The following CDC20B variants were observed in gnomAD, a reference collection of about 807,000 sequenced individuals.
The protein encoded by CDC20B is cell division cycle protein 20 homolog B.
CDC20B carries 58 observed loss-of-function variants against 64.1 expected under a neutral mutation model. That is an observed-to-expected ratio of 0.90 (90% CI 0.73 to 1.13). The LOEUF is 1.13. Ranked by LOEUF, CDC20B falls within the 50% of genes most tolerant of loss-of-function variation. The pLI, the probability that CDC20B is intolerant of heterozygous loss-of-function variation, is 0.00. For missense variants in CDC20B, 597 were observed against 633.0 expected, an observed-to-expected ratio of 0.94 and a Z score of 0.61; for synonymous variants, 243 against 230.6, an observed-to-expected ratio of 1.05 and a Z score of -0.49.
intron 5 of CDC20B, chr5:55,137,168 C>T (rs1393876801): frequency 8.2e-6 from 1 of 122,302 alleles, no homozygotes; most frequent in Admixed American, 9.0e-5. Context: ...CAGAGCGAGA[C>T]TCTGTCTCAA....
At chr5:55,152,015 T>C (rs1743680023) in intron 2 of CDC20B, among the ~76,000 whole-genome samples, 1 of 152,212 alleles carries the variant, frequency 6.6e-6, no homozygotes, top group Admixed American at 6.5e-5. Context: ...TGTATCCCTG[T>C]AAGAGGAAGG....
At chr5:55,164,119 T>G (rs536279973) in intron 2 of CDC20B, 1 of 1,606,934 alleles carries the variant, frequency 6.2e-7, no homozygotes, top group East Asian at 2.2e-5. Flanking sequence ...AGGGTCAAGT[T>G]GTGAAGTTCT....
chr5:55,171,123 G>A (rs1218146398), intron 2 of CDC20B, among the ~76,000 whole-genome samples: 1 of 152,162 alleles, frequency 6.6e-6, no homozygotes, highest in African/African-American at 2.4e-5. Context: ...AGACCAGCCT[G>A]GCCAACATGG....
intron 2 of CDC20B, among the ~76,000 whole-genome samples, chr5:55,158,368 T>G (rs1046443419): frequency 3.9e-5 from 6 of 152,242 alleles, no homozygotes; most frequent in Admixed American, 3.3e-4. Flanking sequence ...CAACACATCT[T>G]ACATACATTT....
intron 6 of CDC20B, among the ~76,000 whole-genome samples, chr5:55,132,130 A>G (rs192215292): frequency 6.6e-6 from 1 of 152,252 alleles, no homozygotes; most frequent in African/African-American, 2.4e-5. Flanking sequence ...TCTTTTTAAT[A>G]TAACAGTTTT....
At chr5:55,164,582 C>A (rs769518941) in intron 2 of CDC20B, 4 of 155,482 alleles carry the variant, frequency 2.6e-5, no homozygotes, top group Admixed American at 6.5e-5. Context: ...TCTTATTGTT[C>A]AACTTGACAT....
chr5:55,119,951 C>A, intron 10 of CDC20B, 33 bp from the exon 11 acceptor site: 1 of 1,481,744 alleles, frequency 6.7e-7, no homozygotes, highest in Non-Finnish European at 9.4e-7. Context: ...AGAATTCTTG[C>A]AATTTCTGAT....
chr5:55,115,408 A>G lies in CDC20B; in HGVS notation c.1460-1090T>C, dbSNP rs1431855871. Among the ~76,000 whole-genome samples, 3 of 152,370 alleles carry G rather than the reference A, an allele frequency of 2.0e-5. No homozygotes were observed. In the East Asian group the frequency reaches 5.8e-4, roughly 29 times the overall value. ...ACAAATGTTTCGGAGATGAGGCAAC[A>G]ACAGGCAGTACTTCTCAGATTTATC... On this transcript the variant is annotated intron_variant, in intron 11 of 11. Transcript: ENST00000381375.
In CDC20B at chr5:55,133,454, G is replaced by T; in HGVS notation, c.655C>A (p.Pro219Thr). ...SGDINDSILQPEVKIHITGLR... is the reference protein window; with the variant it reads ...SGDINDSILQTEVKIHITGLR... ...CCAGTAATATGAATCTTCACCTCTG[G>T]TTGGAGTATGGAATCGTTTATATCA... The change falls in exon 6 of 12, where the codon CCA (proline) becomes ACA (threonine). Residue 219 changes from proline to threonine, a missense_variant. Pro to Thr is a conservative substitution (Grantham distance 38). Coordinates refer to ENST00000381375, the MANE Select transcript of CDC20B (RefSeq NM_001170402.1). 2 of 1,580,454 alleles carry T rather than the reference G, an allele frequency of 1.3e-6. No homozygotes were observed. The highest frequency in any genetic ancestry group is 1.7e-6 in the Non-Finnish European group (2 of 1,157,034).
intron 2 of CDC20B, among the ~76,000 whole-genome samples, chr5:55,158,044 A>T (rs1214734621): frequency 6.6e-6 from 1 of 152,178 alleles, no homozygotes; most frequent in Non-Finnish European, 1.5e-5. Context: ...AGACAAACCA[A>T]AGACTCTTGT....
chr5:55,140,223 A>G, intron 5 of CDC20B, 91 bp downstream of exon 5: 1 of 666,172 alleles, frequency 1.5e-6, no homozygotes, highest in Non-Finnish European at 2.4e-6. Context: ...TCTAGTAAAT[A>G]TTAAAAATAA....
intron 2 of CDC20B, chr5:55,166,347 A>G (rs971586607): frequency 6.6e-6 from 1 of 152,154 alleles, no homozygotes. Context: ...CTTCACTTAC[A>G]TCTCTCTAAT....
chr5:55,131,890 C>T (rs1047299878), intron 6 of CDC20B, among the ~76,000 whole-genome samples: 2 of 152,076 alleles, frequency 1.3e-5, no homozygotes, highest in Non-Finnish European at 2.9e-5. Context: ...TATGGTGAAA[C>T]TCCATCTCTA....
At chr5:55,136,604 A>G (rs933467471) in intron 5 of CDC20B, 1 of 152,030 alleles carries the variant, frequency 6.6e-6, no homozygotes, top group Non-Finnish European at 1.5e-5. Flanking sequence ...ATAGAAGTCT[A>G]CTTTAGCATT....
chr5:55,115,916 C>T (rs1036139945), intron 11 of CDC20B, among the ~76,000 whole-genome samples: 3 of 152,260 alleles, frequency 2.0e-5, no homozygotes, highest in East Asian at 1.9e-4. Flanking sequence ...CACACACACA[C>T]GCACCAGTAA....
intron 2 of CDC20B, chr5:55,161,382 G>A (rs1423365663): frequency 3.3e-6 from 3 of 903,660 alleles, no homozygotes; most frequent in Non-Finnish European, 5.0e-6. Context: ...TATCATCAAA[G>A]AGCCAGAATC....
At chr5:55,141,529 A>T (rs998215353) in intron 4 of CDC20B, among the ~76,000 whole-genome samples, 1 of 152,170 alleles carries the variant, frequency 6.6e-6, no homozygotes, top group Admixed American at 6.5e-5. Context: ...TGACAAGTGG[A>T]GTTATACGCC....
At chr5:55,161,220 G>C (rs1432060594) in intron 2 of CDC20B, 1 of 1,614,062 alleles carries the variant, frequency 6.2e-7, no homozygotes, top group African/African-American at 1.3e-5. Flanking sequence ...AAGATTCTAG[G>C]ATCTGAAGGA....
intron 6 of CDC20B, among the ~76,000 whole-genome samples, chr5:55,128,917 G>A (rs1179632354): frequency 5.3e-5 from 8 of 152,244 alleles, no homozygotes; most frequent in East Asian, 3.9e-4. Context: ...TGTAGACTTC[G>A]TTTAACGGAT....
Sources: allele counts gnomAD v4.1 joint callset (sites outside exome capture counted in the v4.1 genomes callset), GRCh38; gene constraint gnomAD v4.1.1; transcripts MANE v1.5; gene names NCBI Gene and HGNC (gene_info 2026-07-23, HGNC 2026-07-21).